CPEB4: variants seen among roughly 807,000 people sequenced by gnomAD.
The protein encoded by CPEB4 is cytoplasmic polyadenylation element-binding protein 4.
In CPEB4, 12 loss-of-function variants were observed where a neutral mutation model predicts 72.5. That is an observed-to-expected ratio of 0.17 (90% CI 0.11 to 0.27). CPEB4 has a LOEUF of 0.27. Ranked by LOEUF, CPEB4 falls within the 10% of genes least tolerant of loss-of-function variation. The pLI, the probability that CPEB4 is intolerant of heterozygous loss-of-function variation, is 1.00. For missense variants in CPEB4, 614 were observed against 908.5 expected (o/e 0.68, Z 4.17); for synonymous variants, 302 against 326.3 (o/e 0.93, Z 0.80).
In CPEB4 at chr5:173,897,627, C is replaced by A. The variant is rs552220939; in HGVS notation, c.1125+6769C>A. On this transcript the variant is annotated intron_variant, in intron 1 of 9. Transcript: ENST00000265085. ...AAATTATCAACTAGCCCAATAGTTTCATTTTAATCTATAAATTGTTTAATC... is the reference window on the plus strand; with the variant it reads ...AAATTATCAACTAGCCCAATAGTTTAATTTTAATCTATAAATTGTTTAATC... Among the ~76,000 whole-genome samples, 15 of 152,214 alleles carry A rather than the reference C, an allele frequency of 9.9e-5. No homozygotes were observed. The South Asian group carries it at 3.1e-3, about 32-fold the overall frequency.
intron 4 of CPEB4, among the ~76,000 whole-genome samples, chr5:173,944,596 T>C (rs1429539946): frequency 6.6e-6 from 1 of 152,178 alleles, no homozygotes; most frequent in Non-Finnish European, 1.5e-5. Flanking sequence ...TACAGCCAAA[T>C]TTAATATTGA....
rs776249751 is a variant in CPEB4 at position 173,890,576 on chromosome 5, C to G, written c.843C>G (p.Pro281=). The change falls in exon 1 of 10, where the codon CCC becomes CCG. Residue 281 remains proline (P), a synonymous_variant. Transcript: ENST00000265085. ...ATTTGGCGAATAATCTTAACAAACC[C>G]CCCTCTCCGTGGAGCAGCTACCAGA... ...LPHLANNLNK[P]PSPWSSYQSP... is the part of the protein sequence containing the mutation. The G allele has an allele frequency of 6.2e-7, 1 of 1,614,150 alleles. No individual in the cohort carries two copies.
At chr5:173,931,729 TAG>T (rs1426908794) in intron 2 of CPEB4, among the ~76,000 whole-genome samples, 2 of 152,180 alleles carry the variant, frequency 1.3e-5, no homozygotes, top group African/African-American at 4.8e-5. Context: ...TCCTTCAACA[TAG>T]AGAAATCCCA....
chr5:173,956,212 C>T lies in CPEB4; in HGVS notation c.*75C>T. On this transcript the variant is annotated 3_prime_UTR_variant, in exon 10 of 10. Coordinates refer to ENST00000265085, the MANE Select transcript of CPEB4 (RefSeq NM_030627.4). ...TGTTCATTCTGACCCCTTCCTCAACCTCTTCACGCTGGCATGTCCTTTTGT... is the reference window on the plus strand; with the variant it reads ...TGTTCATTCTGACCCCTTCCTCAACTTCTTCACGCTGGCATGTCCTTTTGT... 2 of 1,124,366 alleles carry T rather than the reference C, an allele frequency of 1.8e-6. No individual in the cohort carries two copies. The highest frequency in any genetic ancestry group is 1.3e-5 in the South Asian group (1 of 77,754). 69.6% of individuals were successfully genotyped at this position (1,124,366 alleles called of 1,614,324 possible).
rs1184284651 is a variant in CPEB4, at chr5:173,905,015, AT to A, written c.1126-5507del. 1.6e-4 allele frequency among the ~76,000 whole-genome samples: 9 copies of A among 57,722 alleles called. No homozygotes were observed. The South Asian group carries it at 3.0e-3, about 19-fold the overall frequency. The allele number at this position is 57,722 out of a possible 152,430, so 37.9% of individuals were successfully genotyped here. A position where few individuals can be genotyped will look rare whatever the true frequency, so the allele number is the denominator to read the frequency against. On this transcript the variant is annotated intron_variant, in intron 1 of 9. Coordinates refer to ENST00000265085, the MANE Select transcript of CPEB4 (RefSeq NM_030627.4). Reference sequence around the variant, plus strand: ...AATAATAATAATAATAATAATAATAATAAAAAAATGTAACTTAGAAGATTTG... The same window carrying A: ...AATAATAATAATAATAATAATAATAAAAAAAAATGTAACTTAGAAGATTTG...
At chr5:173,940,373 A>G (rs756699728) in intron 3 of CPEB4, among the ~76,000 whole-genome samples, 1 of 152,246 alleles carries the variant, frequency 6.6e-6, no homozygotes, top group Non-Finnish European at 1.5e-5. Context: ...ATATTTGAGA[A>G]ACATCAAATA....
chr5:173,913,012 C>G (rs1756722640), intron 2 of CPEB4, among the ~76,000 whole-genome samples: 1 of 151,270 alleles, frequency 6.6e-6, no homozygotes, highest in Admixed American at 6.6e-5. Flanking sequence ...TTTAAAAGAG[C>G]TTCCCATACA....
intron 5 of CPEB4, among the ~76,000 whole-genome samples, chr5:173,946,726 G>A (rs779292862): frequency 2.0e-5 from 3 of 152,076 alleles, no homozygotes; most frequent in Non-Finnish European, 4.4e-5. Flanking sequence ...CAAGTGGGGG[G>A]CTTTTTCCTT....
chr5:173,909,527 CG>C (rs1756563500), intron 1 of CPEB4, among the ~76,000 whole-genome samples: 1 of 20,002 alleles, frequency 5.0e-5, no homozygotes, highest in African/African-American at 1.2e-4. Context: ...GGAGAGTCTA[CG>C]AAATTTTTTT....
At chr5:173,909,357 G>T (rs1332264446) in intron 1 of CPEB4, among the ~76,000 whole-genome samples, 3 of 152,096 alleles carry the variant, frequency 2.0e-5, no homozygotes, top group Non-Finnish European at 4.4e-5. Context: ...GTTGTTTGGG[G>T]ACCTAATAAC....
intron 4 of CPEB4, 78 bp downstream of exon 4, chr5:173,943,127 G>A: frequency 7.1e-7 from 1 of 1,407,580 alleles, no homozygotes; most frequent in Non-Finnish European, 9.9e-7. Context: ...TAACCTTTGT[G>A]GGGAAGGGGA....
intron 8 of CPEB4, 84 bp downstream of exon 8, chr5:173,952,022 G>C (rs754368724): frequency 7.8e-6 from 7 of 902,952 alleles, no homozygotes; most frequent in African/African-American, 1.6e-5. Flanking sequence ...CTAAGAATTG[G>C]AGTTAATATC....
chr5:173,945,860 G>A lies in CPEB4; in HGVS notation c.1456+720G>A, dbSNP rs544495426. Among the ~76,000 whole-genome samples the A allele has an allele frequency of 5.3e-5, 8 of 152,318 alleles. No homozygotes were observed. In the South Asian group the frequency reaches 1.7e-3, roughly 32 times the overall value. The stretch of plus-strand genomic sequence containing the variant: ...GCCATGCAAAGACTTAGAGGGACTT[G>A]TTCAGGAATATGCTATTCATCCGTG... On this transcript the variant is annotated intron_variant, in intron 5 of 9. Coordinates refer to ENST00000265085, the MANE Select transcript of CPEB4 (RefSeq NM_030627.4).
At chr5:173,927,692 G>A (rs1057192151) in intron 2 of CPEB4, among the ~76,000 whole-genome samples, 4 of 151,938 alleles carry the variant, frequency 2.6e-5, no homozygotes, top group African/African-American at 4.8e-5. Context: ...CAGAAGAATC[G>A]CTTGAACCCA....
intron 3 of CPEB4, among the ~76,000 whole-genome samples, chr5:173,935,896 C>T (rs941340952): frequency 1.3e-5 from 2 of 151,932 alleles, no homozygotes; most frequent in East Asian, 3.9e-4. Context: ...ATTTTTTTGC[C>T]CTGCTCGATC....
chr5:173,934,109 G>A (rs921442302), intron 3 of CPEB4, among the ~76,000 whole-genome samples: 1 of 152,036 alleles, frequency 6.6e-6, no homozygotes, highest in Non-Finnish European at 1.5e-5. Context: ...TGCTTGGGCC[G>A]AGGAGGTCAA....
chr5:173,891,752 C>T (rs1401753250), intron 1 of CPEB4: 2 of 152,106 alleles, frequency 1.3e-5, no homozygotes, highest in African/African-American at 4.8e-5. Context: ...GGTGGTTGAA[C>T]GTCAGATGCT....
intron 1 of CPEB4, among the ~76,000 whole-genome samples, chr5:173,897,083 G>T (rs1756043293): frequency 6.6e-6 from 1 of 152,128 alleles, no homozygotes; most frequent in South Asian, 2.1e-4. Context: ...AAATATTTTA[G>T]TCATGCTTAT....
intron 4 of CPEB4, among the ~76,000 whole-genome samples, chr5:173,943,353 G>GA (rs1307426085): frequency 6.6e-6 from 1 of 151,872 alleles, no homozygotes; most frequent in Non-Finnish European, 1.5e-5. Context: ...GAATTTCTTA[G>GA]AAAAAAATTA....
Sources: gnomAD v4.1 joint callset for allele counts (sites outside exome capture counted in the v4.1 genomes callset) on GRCh38, gnomAD v4.1.1 for gene constraint, MANE v1.5 for transcripts, NCBI Gene and HGNC (gene_info 2026-07-23, HGNC 2026-07-21) for gene names.